SLCO1B1: variants seen among roughly 807,000 people sequenced by gnomAD.
SLCO1B1 encodes OATP-2.
In SLCO1B1, 81 loss-of-function variants were observed where a neutral mutation model predicts 70.1. The ratio of observed to expected loss-of-function variants is 1.16; its 90% confidence interval spans 0.97 to 1.39. The LOEUF (loss-of-function observed/expected upper bound fraction) is 1.39, where lower values mean the gene tolerates loss of function less well. Among genes scored for constraint, SLCO1B1 ranks in the 40% most tolerant of loss-of-function variants. The pLI is 0.00. For synonymous variants in SLCO1B1, 283 were observed against 271.5 expected, an observed-to-expected ratio of 1.04 and a Z score of -0.42; for missense variants, 895 against 799.6, an observed-to-expected ratio of 1.12 and a Z score of -1.44.
intron 11 of SLCO1B1, among the ~76,000 whole-genome samples, chr12:21,213,287 T>C (rs1468250842): frequency 6.6e-6 from 1 of 152,156 alleles, no homozygotes; most frequent in African/African-American, 2.4e-5. Context: ...CAGCATTTGC[T>C]TGTCTGTAAA....
intron 14 of SLCO1B1, among the ~76,000 whole-genome samples, chr12:21,234,181 A>C (rs74064258): frequency 0.021 from 3,243 of 152,122 alleles, 105 homozygotes; most frequent in African/African-American, 0.074. Context: ...TGAGAGATGA[A>C]ATCATAGGGA....
intron 14 of SLCO1B1, among the ~76,000 whole-genome samples, chr12:21,226,940 A>G (rs1352710771): frequency 6.6e-6 from 1 of 152,144 alleles, no homozygotes; most frequent in Non-Finnish European, 1.5e-5. Flanking sequence ...TGGCTATTAA[A>G]TATATAAAAA....
intron 13 of SLCO1B1, 56 bp from the exon 14 acceptor site, chr12:21,224,666 G>A: frequency 1.0e-6 from 1 of 989,900 alleles, no homozygotes; most frequent in East Asian, 2.4e-5. Context: ...GGAATATCAT[G>A]CAGTTACATT....
chr12:21,223,241 C>G (rs1386100228), intron 13 of SLCO1B1, among the ~76,000 whole-genome samples: 1 of 152,062 alleles, frequency 6.6e-6, no homozygotes, highest in African/African-American at 2.4e-5. Context: ...TTCGATGTAT[C>G]CAATCTGTGG....
intron 2 of SLCO1B1, among the ~76,000 whole-genome samples, chr12:21,171,515 A>G (rs191345196): frequency 6.6e-6 from 1 of 152,320 alleles, no homozygotes; most frequent in Admixed American, 6.5e-5. Context: ...GGACTTCTTT[A>G]GCTACTTTGT....
chr12:21,176,838 C>A lies in SLCO1B1; in HGVS notation c.422C>A (p.Thr141Asn). The A allele has an allele frequency of 6.5e-7, 1 of 1,545,544 alleles. No individual in the cohort carries two copies. Among genetic ancestry groups the A allele is most frequent in the Non-Finnish European group, 8.9e-7 (1 of 1,117,618 alleles). ...GAAAATTCAACATCGACCTTATCCA[C>A]TTGTTTAATTAATCAAATTTTATCA... is the stretch of plus-strand genomic sequence containing the variant. ...SSENSTSTLS[T>N]CLINQILSLN... Residue 141 changes from threonine to asparagine, a missense_variant, in exon 5 of 15, where the codon ACT (threonine) becomes AAT (asparagine). Thr to Asn is a moderately conservative substitution (Grantham distance 65). Transcript: ENST00000256958.
intron 13 of SLCO1B1, 33 bp downstream of exon 13, chr12:21,222,397 A>ATATATAT (rs756408099): frequency 3.1e-5 from 3 of 97,732 alleles, no homozygotes; most frequent in East Asian, 3.7e-4. Flanking sequence ...AAAAAAAAAA[A>ATATATAT]ATATATATAT....
At chr12:21,233,921 C>A (rs1941570252) in intron 14 of SLCO1B1, among the ~76,000 whole-genome samples, 1 of 152,152 alleles carries the variant, frequency 6.6e-6, no homozygotes, top group Non-Finnish European at 1.5e-5. Flanking sequence ...CCAGATGAGA[C>A]CCCTAGTGTG....
chr12:21,133,119 G>A (rs545213651), intron 1 of SLCO1B1, among the ~76,000 whole-genome samples: 1 of 152,030 alleles, frequency 6.6e-6, no homozygotes, highest in Non-Finnish European at 1.5e-5. Flanking sequence ...TTTTTCTCAG[G>A]TTTGTCAAAG....
intron 2 of SLCO1B1, among the ~76,000 whole-genome samples, chr12:21,144,082 T>C (rs1565664799): frequency 6.6e-6 from 1 of 152,132 alleles, no homozygotes; most frequent in Non-Finnish European, 1.5e-5. Flanking sequence ...AACCTGCTAG[T>C]ATATGTTTCA....
chr12:21,150,102 C>G (rs943400661), intron 2 of SLCO1B1, among the ~76,000 whole-genome samples: 3 of 152,154 alleles, frequency 2.0e-5, no homozygotes, highest in Admixed American at 6.5e-5. Context: ...GTGGAGCCCA[C>G]CGCAGCTCCA....
chr12:21,138,572 C>A (rs1304565552), intron 1 of SLCO1B1, among the ~76,000 whole-genome samples: 3 of 151,988 alleles, frequency 2.0e-5, no homozygotes, highest in Non-Finnish European at 4.4e-5. Context: ...AAGTGTCCAC[C>A]TTTTTTTCCT....
At chr12:21,230,455 C>T (rs529771820) in intron 14 of SLCO1B1, among the ~76,000 whole-genome samples, 123 of 151,554 alleles carry the variant, frequency 8.1e-4, no homozygotes, top group African/African-American at 2.8e-3. Flanking sequence ...CTCAGCCTCC[C>T]GAGTAGCTGG....
In SLCO1B1 at chr12:21,197,087, G is replaced by A. The variant is rs768628268; in HGVS notation, c.869G>A (p.Arg290Lys). 1 of 1,613,520 alleles carries A rather than the reference G, an allele frequency of 6.2e-7. No individual in the cohort carries two copies. Among genetic ancestry groups the A allele is most frequent in the Middle Eastern group, 1.7e-4 (1 of 6,058 alleles). ...PQTPNKPQKE[R>K]KASLSLHVLE... ...ACTCCAAATAAACCACAAAAAGAAA[G>A]AAAAGCTTCACTGTCTTTGCATGTG... The change falls in exon 8 of 15, where the codon AGA becomes AAA. Residue 290 changes from arginine to lysine, a missense_variant. Arg to Lys is a conservative substitution (Grantham distance 26). Transcript: ENST00000256958.
chr12:21,172,746 A>T lies in SLCO1B1; in HGVS notation c.181A>T (p.Ile61Leu). The change falls in exon 3 of 15, where the codon ATA (isoleucine) becomes TTA (leucine). Residue 61 changes from isoleucine to leucine, a missense_variant. Transcript: ENST00000256958. ...CATTCATATAGAACGGAGATTTGAG[A>T]TATCCTCTTCTCTTGTTGGTTTTAT... ...SIIHIERRFEISSSLVGFIDG... is the reference protein window; with the variant it reads ...SIIHIERRFELSSSLVGFIDG... 1.9e-6 allele frequency: 3 copies of T among 1,613,576 alleles called. No individual in the cohort carries two copies. Among genetic ancestry groups the T allele is most frequent in the Non-Finnish European group, 2.5e-6 (3 of 1,179,718 alleles).
At chr12:21,195,252 G>A (rs1372587937) in intron 7 of SLCO1B1, among the ~76,000 whole-genome samples, 1 of 152,080 alleles carries the variant, frequency 6.6e-6, no homozygotes, top group African/African-American at 2.4e-5. Context: ...CTATCTTTTT[G>A]TTAGGAACTT....
At chr12:21,156,507 G>A (rs966537286) in intron 2 of SLCO1B1, among the ~76,000 whole-genome samples, 3 of 152,058 alleles carry the variant, frequency 2.0e-5, no homozygotes, top group Admixed American at 2.0e-4. Context: ...GATGTAAGAG[G>A]AATTAATCAT....
chr12:21,196,511 T>C (rs1162471703), intron 7 of SLCO1B1, among the ~76,000 whole-genome samples: 1 of 152,190 alleles, frequency 6.6e-6, no homozygotes, highest in Non-Finnish European at 1.5e-5. Flanking sequence ...GAAGCCCCTT[T>C]ATTGACTCAG....
chr12:21,213,246 G>T (rs1474380809), intron 11 of SLCO1B1, among the ~76,000 whole-genome samples: 8 of 152,018 alleles, frequency 5.3e-5, no homozygotes, highest in South Asian at 2.1e-4. Context: ...AGGAGCTCTT[G>T]TAGGGCAGGC....
Sources: gnomAD v4.1 joint callset for allele counts (sites outside exome capture counted in the v4.1 genomes callset) on GRCh38, gnomAD v4.1.1 for gene constraint, MANE v1.5 for transcripts, NCBI Gene and HGNC (gene_info 2026-07-23, HGNC 2026-07-21) for gene names.